The following C18orf54 variants were observed in gnomAD, a reference collection of about 807,000 sequenced individuals.
C18orf54 encodes the protein chromosome 18 open reading frame 54.
C18orf54 carries 49 observed loss-of-function variants against 49.3 expected under a neutral mutation model. That is an observed-to-expected ratio of 0.99 (90% CI 0.79 to 1.26). The LOEUF (loss-of-function observed/expected upper bound fraction) is 1.26. Ranked by LOEUF, C18orf54 falls within the 50% of genes most tolerant of loss-of-function variation. The pLI, the probability that C18orf54 is intolerant of heterozygous loss-of-function variation, is 0.00. For missense variants in C18orf54, 687 were observed against 620.6 expected, an observed-to-expected ratio of 1.11 and a Z score of -1.14; for synonymous variants, 211 against 216.6, an observed-to-expected ratio of 0.97 and a Z score of 0.23.
At chr18:54,372,407 A>G in intron 6 of C18orf54, 59 bp from the exon 7 acceptor site, 1 of 1,351,346 alleles carries the variant, frequency 7.4e-7, no homozygotes, top group Non-Finnish European at 9.8e-7. Context: ...ACAAAATAAA[A>G]CTCTTCTTTC....
rs775707183 is a variant in C18orf54, at chr18:54,378,166, T to C, written c.1530-8T>C. On this transcript the variant is annotated splice_region_variant and splice_polypyrimidine_tract_variant and intron_variant, in intron 8 of 8. Coordinates refer to ENST00000620105, the MANE Select transcript of C18orf54 (RefSeq NM_001288980.2). ...GGTTTATAATGTGTTTTATACTTTT[T>C]AATGAAGGGCTTTGCACCATTTATC... The C allele has an allele frequency of 4.3e-6, 7 of 1,610,484 alleles. No individual in the cohort carries two copies. Among genetic ancestry groups the C allele is most frequent in the Non-Finnish European group, 5.9e-6 (7 of 1,177,884 alleles).
Position 54,361,660 on chromosome 18 carries a change from C to G in C18orf54, c.301C>G (p.His101Asp). ...KPNNAFENLD[H>D]KKHSNFISCR... ...TTTTTCAGCTTTTGAAAACCTTGATCACAAAAAGCACTCAAACTTCATATC... is the reference window on the plus strand; with the variant it reads ...TTTTTCAGCTTTTGAAAACCTTGATGACAAAAAGCACTCAAACTTCATATC... Residue 101 changes from histidine (H) to aspartate (D), a missense_variant, in exon 4 of 9, where the codon CAC becomes GAC. Transcript: ENST00000620105. 6.3e-7 allele frequency: 1 copy of G among 1,583,486 alleles called. No homozygotes were observed. Among genetic ancestry groups the G allele is most frequent in the Non-Finnish European group, 8.6e-7 (1 of 1,167,702 alleles).
chr18:54,360,421 G>T (rs2089241000), intron 2 of C18orf54, 106 bp from the exon 3 acceptor site: 3 of 682,404 alleles, frequency 4.4e-6, no homozygotes, highest in Admixed American at 2.9e-5. Flanking sequence ...ATAGATAATG[G>T]ATTTTATTAT....
intron 4 of C18orf54, 135 bp from the exon 5 acceptor site, chr18:54,362,636 A>G (rs2089296595): frequency 5.3e-6 from 5 of 943,416 alleles, no homozygotes; most frequent in African/African-American, 1.7e-5. Flanking sequence ...TTGAAATGTC[A>G]CATTTTAACA....
Position 54,372,605 on chromosome 18 carries a change from C to T in C18orf54, c.1458+8C>T, listed in dbSNP as rs371566699. On this transcript the variant is annotated splice_region_variant and intron_variant, in intron 7 of 8. Transcript: ENST00000620105. Reference sequence around the variant, plus strand: ...AAAGAAGAGATTAAACAAGTAAGCACAAACATGATTTATGAATTGAGATTT... The same window carrying T: ...AAAGAAGAGATTAAACAAGTAAGCATAAACATGATTTATGAATTGAGATTT... 8.9e-6 allele frequency: 14 copies of T among 1,570,042 alleles called. No homozygotes were observed. Among genetic ancestry groups the T allele is most frequent in the Non-Finnish European group, 1.2e-5 (14 of 1,157,820 alleles).
chr18:54,368,582 A>G (rs1235697718), intron 6 of C18orf54, among the ~76,000 whole-genome samples: 3 of 152,032 alleles, frequency 2.0e-5, no homozygotes, highest in South Asian at 2.1e-4. Flanking sequence ...ATAGTAATAT[A>G]TAATAAAGAT....
intron 7 of C18orf54, 74 bp downstream of exon 7, chr18:54,372,671 A>T: frequency 7.3e-7 from 1 of 1,360,920 alleles, no homozygotes; most frequent in East Asian, 2.4e-5. Context: ...CTTTTAATAG[A>T]CCTACTTATA....
rs1451466063 is a variant in C18orf54, at chr18:54,380,691, TG to T, written c.*2446del. On this transcript the variant is annotated 3_prime_UTR_variant, in exon 9 of 9. Coordinates refer to ENST00000620105, the MANE Select transcript of C18orf54 (RefSeq NM_001288980.2). ...TTGAAATTTATAATTGTAGGTTTTT[TG>T]TATTGTTTTAGTATTTAATGGTGTA... 1 of 152,144 alleles carries T rather than the reference TG, an allele frequency of 6.6e-6. No homozygotes were observed. The highest frequency in any genetic ancestry group is 1.5e-5 in the Non-Finnish European group (1 of 67,986). 9.4% of individuals were successfully genotyped at this position (152,144 alleles called of 1,614,324 possible).
chr18:54,377,107 G>A (rs537195417), intron 8 of C18orf54, among the ~76,000 whole-genome samples: 1 of 152,004 alleles, frequency 6.6e-6, no homozygotes, highest in African/African-American at 2.4e-5. Flanking sequence ...GCGATCATGG[G>A]TCACTGCAGT....
Position 54,378,171 on chromosome 18 carries a change from A to G in C18orf54, c.1530-3A>G. ...ATAATGTGTTTTATACTTTTTAATG[A>G]AGGGCTTTGCACCATTTATCTCGCC... On this transcript the variant is annotated splice_region_variant and splice_polypyrimidine_tract_variant and intron_variant, in intron 8 of 8. Coordinates refer to ENST00000620105, the MANE Select transcript of C18orf54 (RefSeq NM_001288980.2). 6.2e-7 allele frequency: 1 copy of G among 1,610,836 alleles called. No individual in the cohort carries two copies. Among genetic ancestry groups the G allele is most frequent in the African/African-American group, 1.3e-5 (1 of 74,940 alleles).
intron 8 of C18orf54, among the ~76,000 whole-genome samples, chr18:54,376,506 G>A (rs909166941): frequency 5.9e-5 from 9 of 151,972 alleles, no homozygotes; most frequent in African/African-American, 2.2e-4. Flanking sequence ...GCTAATTTTT[G>A]TATTTTTAGT....
At chr18:54,366,146 C>T (rs2144731429) in intron 6 of C18orf54, among the ~76,000 whole-genome samples, 1 of 151,912 alleles carries the variant, frequency 6.6e-6, no homozygotes, top group South Asian at 2.1e-4. Context: ...TCAAAATCCT[C>T]TCTTTAAGGT....
intron 6 of C18orf54, among the ~76,000 whole-genome samples, chr18:54,367,491 C>G (rs1425477239): frequency 6.6e-6 from 1 of 151,656 alleles, no homozygotes; most frequent in Non-Finnish European, 1.5e-5. Context: ...AAGCTTTGCT[C>G]CATATAGTAT....
At chr18:54,374,110 A>T (rs2144750976) in intron 7 of C18orf54, 104 bp from the exon 8 acceptor site, 1 of 976,698 alleles carries the variant, frequency 1.0e-6, no homozygotes. Flanking sequence ...TTGTTTGGAA[A>T]TGTAGAAAAT....
intron 8 of C18orf54, among the ~76,000 whole-genome samples, chr18:54,377,931 AAG>A (rs1480498198): frequency 1.3e-5 from 2 of 152,210 alleles, no homozygotes; most frequent in Non-Finnish European, 2.9e-5. Context: ...ATCTTAAAAA[AAG>A]TTAATGTCAA....
At chr18:54,363,274 C>G (rs567000021) in intron 5 of C18orf54, among the ~76,000 whole-genome samples, 23 of 152,130 alleles carry the variant, frequency 1.5e-4, no homozygotes, top group African/African-American at 4.3e-4. Context: ...TTCCTCTGTT[C>G]CTCTATAGTC....
chr18:54,378,202 G>T lies in C18orf54; in HGVS notation c.1558G>T (p.Asp520Tyr), dbSNP rs551048507. The T allele has an allele frequency of 6.2e-6, 10 of 1,613,422 alleles. No individual in the cohort carries two copies. The highest frequency in any genetic ancestry group is 8.5e-6 in the Non-Finnish European group (10 of 1,179,706). ...TTTGCACCATTTATCTCGCCTGAGA[G>T]ACCTGGTTGATGATACGAATGGAGA... is the stretch of plus-strand genomic sequence containing the variant. ...KALHHLSRLR[D>Y]LVDDTNGERS... The change falls in exon 9 of 9, where the codon GAC (aspartate) becomes TAC (tyrosine). Residue 520 changes from aspartate (D) to tyrosine (Y), a missense_variant. Transcript: ENST00000620105.
Position 54,362,143 on chromosome 18 carries a change from C to G in C18orf54, c.784C>G (p.Pro262Ala). ...AACTAGTATACCTGATTTCAAATACCCAGTCTGGCTGCACAATCAAGACTT... is the reference window on the plus strand; with the variant it reads ...AACTAGTATACCTGATTTCAAATACGCAGTCTGGCTGCACAATCAAGACTT... ...GITSIPDFKYPVWLHNQDLLP... is the reference protein window; with the variant it reads ...GITSIPDFKYAVWLHNQDLLP... Residue 262 changes from proline (P) to alanine (A), a missense_variant, in exon 4 of 9, where the codon CCA (proline) becomes GCA (alanine). Coordinates refer to ENST00000620105, the MANE Select transcript of C18orf54 (RefSeq NM_001288980.2). 1 of 1,536,266 alleles carries G rather than the reference C, an allele frequency of 6.5e-7. No homozygotes were observed. The highest frequency in any genetic ancestry group is 1.4e-5 in the African/African-American group (1 of 73,134).
rs1185018808 is a variant in C18orf54 at position 54,357,963 on chromosome 18, A to G, written c.-256A>G. 2.0e-5 allele frequency: 3 copies of G among 152,496 alleles called. No individual in the cohort carries two copies. The highest frequency in any genetic ancestry group is 7.2e-5 in the African/African-American group (3 of 41,424). 9.4% of individuals were successfully genotyped at this position (152,496 alleles called of 1,614,324 possible). The stretch of plus-strand genomic sequence containing the variant: ...GTGTCGAGCTCTGCTGTGACTGCGG[A>G]GGAAGCTGCGAGTGAGCCGAGCCTG... On this transcript the variant is annotated 5_prime_UTR_variant, in exon 1 of 9. Coordinates refer to ENST00000620105, the MANE Select transcript of C18orf54 (RefSeq NM_001288980.2).
Sources: gnomAD v4.1 joint callset for allele counts (sites outside exome capture counted in the v4.1 genomes callset) on GRCh38, gnomAD v4.1.1 for gene constraint, MANE v1.5 for transcripts, NCBI Gene and HGNC (gene_info 2026-07-23, HGNC 2026-07-21) for gene names.